LINC00305: variants seen among roughly 807,000 people sequenced by gnomAD.
The protein encoded by LINC00305 is long intergenic non-protein coding RNA 305.
At chr18:64,131,076 T>C (rs1414735874) in intron 1 of LINC00305, among the ~76,000 whole-genome samples, 1 of 152,182 alleles carries the variant, frequency 6.6e-6, no homozygotes, top group Non-Finnish European at 1.5e-5. Context: ...GCAGCTTACC[T>C]AACTCGTAGA....
chr18:64,146,969 GTT>G (rs1286474980), intron 1 of LINC00305, among the ~76,000 whole-genome samples: 1 of 152,076 alleles, frequency 6.6e-6, no homozygotes, highest in Non-Finnish European at 1.5e-5. Flanking sequence ...TTTTCAGAAT[GTT>G]TCTTTTTTTA....
intron 1 of LINC00305, among the ~76,000 whole-genome samples, chr18:64,118,766 C>G (rs1257741453): frequency 6.6e-6 from 1 of 151,932 alleles, no homozygotes; most frequent in African/African-American, 2.4e-5. Context: ...TCTTGCACCA[C>G]TCTAGGTCTT....
At chr18:64,138,441 A>G (rs1005363454) in intron 1 of LINC00305, among the ~76,000 whole-genome samples, 1 of 152,118 alleles carries the variant, frequency 6.6e-6, no homozygotes, top group African/African-American at 2.4e-5. Flanking sequence ...AAAGTCAAGC[A>G]CCTTATTATG....
intron 3 of LINC00305, chr18:64,080,425 C>T (rs376882226): frequency 6.9e-6 from 3 of 436,488 alleles, no homozygotes; most frequent in African/African-American, 2.0e-5. Context: ...AAGTAATCCA[C>T]ATTATTGCAG....
At chr18:64,080,771 G>T (rs2051181936) in intron 3 of LINC00305, among the ~76,000 whole-genome samples, 1 of 152,002 alleles carries the variant, frequency 6.6e-6, no homozygotes, top group African/African-American at 2.4e-5. Context: ...ATATATAATT[G>T]CATATTTACA....
At chr18:64,086,673 G>T (rs1470558146) in intron 3 of LINC00305, among the ~76,000 whole-genome samples, 1 of 152,230 alleles carries the variant, frequency 6.6e-6, no homozygotes, top group Non-Finnish European at 1.5e-5. Context: ...TGTCAAAGAA[G>T]ATTGGTGGGG....
intron 1 of LINC00305, among the ~76,000 whole-genome samples, chr18:64,137,878 T>C (rs1895536218): frequency 6.8e-6 from 1 of 147,784 alleles, no homozygotes; most frequent in Non-Finnish European, 1.5e-5. Context: ...ACAATATAAA[T>C]CACTAGTTTT....
chr18:64,094,312 G>T (rs2051236579), intron 3 of LINC00305, among the ~76,000 whole-genome samples: 1 of 152,194 alleles, frequency 6.6e-6, no homozygotes, highest in African/African-American at 2.4e-5. Context: ...CTGAAAAGAT[G>T]ATACAAACAT....
At chr18:64,142,081 C>A (rs932854054) in intron 1 of LINC00305, among the ~76,000 whole-genome samples, 1 of 152,126 alleles carries the variant, frequency 6.6e-6, no homozygotes, top group African/African-American at 2.4e-5. Context: ...GGCTGAGCTG[C>A]AGCTCAGACG....
intron 1 of LINC00305, among the ~76,000 whole-genome samples, chr18:64,123,118 A>C (rs1478494759): frequency 6.6e-6 from 1 of 152,128 alleles, no homozygotes; most frequent in Non-Finnish European, 1.5e-5. Flanking sequence ...TTATATAATC[A>C]GTGAACAGGA....
intron 1 of LINC00305, among the ~76,000 whole-genome samples, chr18:64,127,060 G>A (rs2051388562): frequency 6.6e-6 from 1 of 151,934 alleles, no homozygotes; most frequent in African/African-American, 2.4e-5. Flanking sequence ...ACAGATCAAT[G>A]GAAGAGTAAC....
chr18:64,146,307 C>A (rs989373988), intron 1 of LINC00305, among the ~76,000 whole-genome samples: 3 of 152,128 alleles, frequency 2.0e-5, no homozygotes, highest in Non-Finnish European at 2.9e-5. Flanking sequence ...GACAGTGTGA[C>A]CATCCCAAGA....
chr18:64,137,103 G>A (rs952191665), intron 1 of LINC00305, among the ~76,000 whole-genome samples: 1 of 152,180 alleles, frequency 6.6e-6, no homozygotes, highest in Non-Finnish European at 1.5e-5. Context: ...ATTAGTGACT[G>A]GTGTCTTTCT....
At chr18:64,113,652 A>G (rs1260299175) in intron 1 of LINC00305, among the ~76,000 whole-genome samples, 3 of 152,198 alleles carry the variant, frequency 2.0e-5, no homozygotes, top group Non-Finnish European at 4.4e-5. Context: ...TATTTGGGCT[A>G]TATTACCCGA....
intron 2 of LINC00305, chr18:64,098,087 ACAGAGG>A (rs879256892): frequency 4.6e-6 from 2 of 436,960 alleles, no homozygotes; most frequent in Non-Finnish European, 9.4e-6. Context: ...GAATAAAGGT[ACAGAGG>A]CAAAGTTCTC....
chr18:64,093,970 T>A (rs952898716), intron 3 of LINC00305, among the ~76,000 whole-genome samples: 1 of 152,084 alleles, frequency 6.6e-6, no homozygotes, highest in African/African-American at 2.4e-5. Context: ...AAAAGTACCA[T>A]CAGTTGCGAA....
intron 3 of LINC00305, among the ~76,000 whole-genome samples, chr18:64,097,564 T>C (rs1269922267): frequency 6.6e-6 from 1 of 151,762 alleles, no homozygotes; most frequent in Non-Finnish European, 1.5e-5. Flanking sequence ...GTTCTTATTA[T>C]TAAGACTTAT....
At chr18:64,093,408 C>T (rs2051232493) in intron 3 of LINC00305, among the ~76,000 whole-genome samples, 2 of 152,180 alleles carry the variant, frequency 1.3e-5, no homozygotes, top group Admixed American at 6.5e-5. Context: ...GATCTTGGCT[C>T]ACTGCAAGCT....
chr18:64,100,933 C>G (rs1170304954), intron 1 of LINC00305, among the ~76,000 whole-genome samples: 1 of 152,016 alleles, frequency 6.6e-6, no homozygotes, highest in Non-Finnish European at 1.5e-5. Flanking sequence ...ATGGAGAAAA[C>G]AGGGTGCTTG....
Sources: gnomAD v4.1 joint callset for allele counts (sites outside exome capture counted in the v4.1 genomes callset) on GRCh38, gnomAD v4.1.1 for gene constraint, MANE v1.5 for transcripts, NCBI Gene and HGNC (gene_info 2026-07-23, HGNC 2026-07-21) for gene names.